GSG1L: variants seen among roughly 807,000 people sequenced by gnomAD.
GSG1L encodes germ cell-specific gene 1-like protein.
GSG1L carries 24 observed loss-of-function variants against 42.1 expected under a neutral mutation model. The ratio of observed to expected loss-of-function variants is 0.57; its 90% confidence interval spans 0.41 to 0.80. GSG1L has a LOEUF of 0.80. Ranked by LOEUF, GSG1L falls within the 30% of genes least tolerant of loss-of-function variation. The pLI is 0.00. For missense variants in GSG1L, 445 were observed against 472.2 expected, an observed-to-expected ratio of 0.94 and a Z score of 0.53; for synonymous variants, 215 against 203.5, an observed-to-expected ratio of 1.06 and a Z score of -0.48.
rs2086371265 is a variant in GSG1L at position 28,063,533 on chromosome 16, G to A, written c.-109C>T. On this transcript the variant is annotated 5_prime_UTR_variant, in exon 1 of 7. Coordinates refer to ENST00000447459, the MANE Select transcript of GSG1L (RefSeq NM_001109763.2). The surrounding 1 kb of genome is among the most constrained non-coding windows in gnomAD (Gnocchi z 5.8). ...GCTGCCCGCCGCGCCCCGGGGCTCG[G>A]GTGCCTGAGATCGGCGGCGGCGGAC... 3 of 625,340 alleles carry A rather than the reference G, an allele frequency of 4.8e-6. No homozygotes were observed. The highest frequency in any genetic ancestry group is 6.2e-6 in the Non-Finnish European group (3 of 482,652). 38.7% of individuals were successfully genotyped at this position (625,340 alleles called of 1,614,324 possible).
At chr16:27,907,057 C>A (rs1487592040) in intron 2 of GSG1L, among the ~76,000 whole-genome samples, 1 of 152,210 alleles carries the variant, frequency 6.6e-6, no homozygotes, top group Admixed American at 6.5e-5. Context: ...TCCTCAGAGT[C>A]TACTGTGATT....
intron 2 of GSG1L, among the ~76,000 whole-genome samples, chr16:27,930,159 C>A (rs1200804816): frequency 3.9e-5 from 6 of 151,954 alleles, no homozygotes; most frequent in African/African-American, 1.5e-4. Context: ...CTCCTAGCAG[C>A]CGATTGACTT....
intron 1 of GSG1L, among the ~76,000 whole-genome samples, chr16:28,014,397 T>C (rs1192047317): frequency 6.6e-6 from 1 of 152,142 alleles, no homozygotes; most frequent in African/African-American, 2.4e-5. Context: ...CCTCTCTGCT[T>C]CCATCTCTTT....
chr16:28,020,406 C>G (rs2085829051), intron 1 of GSG1L, among the ~76,000 whole-genome samples: 1 of 152,228 alleles, frequency 6.6e-6, no homozygotes, highest in African/African-American at 2.4e-5. Flanking sequence ...GGGGATGTGT[C>G]TGGCAGCATT....
chr16:27,891,445 CT>C (rs11464819), intron 2 of GSG1L, among the ~76,000 whole-genome samples: 7 of 151,866 alleles, frequency 4.6e-5, no homozygotes, highest in South Asian at 2.1e-4. Context: ...TACTGTGTAA[CT>C]TTTTTTTATT....
intron 2 of GSG1L, among the ~76,000 whole-genome samples, chr16:27,886,662 T>C (rs1223255839): frequency 1.3e-5 from 2 of 152,132 alleles, no homozygotes; most frequent in Admixed American, 6.5e-5. Context: ...AGGCTAGAGA[T>C]AGAGTCAACA....
chr16:28,058,722 G>A (rs545984796), intron 1 of GSG1L, among the ~76,000 whole-genome samples: 16 of 150,914 alleles, frequency 1.1e-4, no homozygotes, highest in Non-Finnish European at 2.1e-4. Flanking sequence ...GAAACACATC[G>A]AATATGACAC....
At chr16:27,952,821 A>G (rs2385010) in intron 2 of GSG1L, among the ~76,000 whole-genome samples, 82,763 of 152,150 alleles carry the variant, frequency 0.54, 22,730 homozygotes, top group Middle Eastern at 0.59. Flanking sequence ...TATCCTAAGC[A>G]TGCAGCTTGG....
chr16:27,839,712 A>G (rs2083357367), intron 4 of GSG1L, among the ~76,000 whole-genome samples: 1 of 152,226 alleles, frequency 6.6e-6, no homozygotes, highest in South Asian at 2.1e-4. Context: ...CTGGTTGTGC[A>G]GGAACAGATC....
At chr16:28,007,498 G>GGTTGGTTGGTTT (rs1177301478) in intron 1 of GSG1L, among the ~76,000 whole-genome samples, 3 of 89,530 alleles carry the variant, frequency 3.4e-5, no homozygotes, top group African/African-American at 7.4e-5. Context: ...TTGGTTGGTT[G>GGTTGGTTGGTTT]GTTGGTTGGT....
chr16:28,021,705 A>C (rs2085845341), intron 1 of GSG1L, among the ~76,000 whole-genome samples: 2 of 152,156 alleles, frequency 1.3e-5, no homozygotes, highest in Admixed American at 1.3e-4. Context: ...CCTCTCCCAA[A>C]CTGACCTCAT....
At chr16:27,905,047 C>G (rs1289306171) in intron 2 of GSG1L, among the ~76,000 whole-genome samples, 1 of 152,180 alleles carries the variant, frequency 6.6e-6, no homozygotes, top group African/African-American at 2.4e-5. Flanking sequence ...CAAATCTTTT[C>G]AAACACAACT....
At chr16:27,896,913 G>A (rs1231076665) in intron 2 of GSG1L, among the ~76,000 whole-genome samples, 1 of 152,214 alleles carries the variant, frequency 6.6e-6, no homozygotes, top group Admixed American at 6.5e-5. Context: ...GCCCAGGCTG[G>A]AGTGCAGTGG....
intron 2 of GSG1L, among the ~76,000 whole-genome samples, chr16:27,917,109 C>T (rs1008013924): frequency 3.2e-4 from 48 of 152,124 alleles, no homozygotes; most frequent in Non-Finnish European, 1.3e-4. Context: ...GAATTCTGGT[C>T]AGAGGATTTT....
At chr16:28,009,879 T>C (rs1005546423) in intron 1 of GSG1L, among the ~76,000 whole-genome samples, 1 of 152,222 alleles carries the variant, frequency 6.6e-6, no homozygotes, top group African/African-American at 2.4e-5. Context: ...AACTGTCTTA[T>C]CTTAGCTGCT....
At chr16:27,826,637 G>C (rs1263125346) in intron 5 of GSG1L, among the ~76,000 whole-genome samples, 2 of 152,194 alleles carry the variant, frequency 1.3e-5, no homozygotes, top group Non-Finnish European at 2.9e-5. Context: ...GGCACCTGGA[G>C]ACCAGTCCCA....
intron 2 of GSG1L, among the ~76,000 whole-genome samples, chr16:27,910,166 T>C (rs1220082020): frequency 6.6e-6 from 1 of 151,000 alleles, no homozygotes; most frequent in Non-Finnish European, 1.5e-5. Context: ...TTTCACCATG[T>C]TGGCCAGGCT....
At chr16:27,799,988 T>C (rs1284029741) in intron 6 of GSG1L, among the ~76,000 whole-genome samples, 1 of 151,884 alleles carries the variant, frequency 6.6e-6, no homozygotes, top group African/African-American at 2.4e-5. Flanking sequence ...GAACCCTGGG[T>C]CCCCCGCCAG....
At chr16:27,857,160 C>T (rs139508423) in intron 3 of GSG1L, among the ~76,000 whole-genome samples, 91 of 152,322 alleles carry the variant, frequency 6.0e-4, no homozygotes, top group African/African-American at 2.1e-3. Context: ...GAAGCAGTGG[C>T]TGATGCCTGT....
Sources: allele counts gnomAD v4.1 joint callset (sites outside exome capture counted in the v4.1 genomes callset), GRCh38; gene constraint gnomAD v4.1.1; non-coding constraint Gnocchi (gnomAD v3.1); transcripts MANE v1.5; gene names NCBI Gene and HGNC (gene_info 2026-07-23, HGNC 2026-07-21).